PTPRA: variants seen among roughly 807,000 people sequenced by gnomAD.
PTPRA encodes the protein receptor-type tyrosine-protein phosphatase alpha.
PTPRA carries 25 observed loss-of-function variants against 104.8 expected under a neutral mutation model. The observed-to-expected ratio is 0.24, with a 90% CI of 0.17 to 0.33. The LOEUF is 0.33. Ranked by LOEUF, PTPRA falls within the 10% of genes least tolerant of loss-of-function variation. PTPRA has a pLI of 1.00. For missense variants in PTPRA, 765 were observed against 1,015.3 expected (o/e 0.75, Z 3.35); for synonymous variants, 323 against 368.9 (o/e 0.88, Z 1.43).
rs1338748386 is a variant in PTPRA at position 2,948,794 on chromosome 20, AG to A, written c.-7+771del. Among the ~76,000 whole-genome samples, 626 of 151,848 alleles carry A rather than the reference AG, an allele frequency of 4.1e-3. 9 individuals carry two copies. Among genetic ancestry groups the A allele is most frequent in the African/African-American group, 0.013 (553 of 41,488 alleles). The stretch of plus-strand genomic sequence containing the variant: ...GTGAAACCCTGTCTGTACTAAAAAT[AG>A]AAAAAAATTAGCTGGGCGTGGTGGC... On this transcript the variant is annotated intron_variant, in intron 3 of 23. Coordinates refer to ENST00000399903, the MANE Select transcript of PTPRA (RefSeq NM_001385305.1).
chr20:2,996,188 A>G (rs924579736), intron 9 of PTPRA, among the ~76,000 whole-genome samples: 2 of 152,264 alleles, frequency 1.3e-5, no homozygotes, highest in Non-Finnish European at 2.9e-5. Flanking sequence ...TTGGGAAGAC[A>G]CTGGAGGAGC....
At chr20:3,036,273 G>T (rs937675113) in intron 22 of PTPRA, among the ~76,000 whole-genome samples, 11 of 152,226 alleles carry the variant, frequency 7.2e-5, no homozygotes, top group Non-Finnish European at 1.6e-4. Context: ...AGCCTGGGTT[G>T]GTGTGACCAG....
chr20:2,865,621 T>C, the PTPRA span: 1 of 870,336 alleles, frequency 1.1e-6, no homozygotes, highest in Non-Finnish European at 1.7e-6. This position sits in a 1 kb window ranked among gnomAD's most constrained non-coding sequence, Gnocchi z 5.2. Context: ...AGTTAGCGAG[T>C]GCTTCCTGTA....
rs1001855088 is a variant in PTPRA at position 3,035,921 on chromosome 20, C to A, written c.2178C>A (p.His726Gln). The A allele has an allele frequency of 2.5e-6, 4 of 1,613,710 alleles. No individual in the cohort carries two copies. The East Asian group carries it at 8.9e-5, about 36-fold the overall frequency. Residue 726 changes from histidine to glutamine, a missense_variant, in exon 22 of 24, where the codon CAC (histidine) becomes CAA (glutamine). Physicochemically the swap from His to Gln is conservative, Grantham distance 24. This residue lies in a region of PTPRA where 72 missense variants were observed against 140.7 expected (regional missense o/e 0.51). Coordinates refer to ENST00000399903, the MANE Select transcript of PTPRA (RefSeq NM_001385305.1). This position sits in a 1 kb window ranked among gnomAD's most constrained non-coding sequence, Gnocchi z 5.8. ...AGCAGCAGCAGCAGTCAGGGAACCA[C>A]CCCATCACCGTGCACTGCAGGTATG... ...VQKQQQQSGN[H>Q]PITVHCSAGA... is the part of the protein sequence containing the mutation.
intron 11 of PTPRA, among the ~76,000 whole-genome samples, chr20:3,012,429 C>A (rs1367181327): frequency 6.6e-6 from 1 of 152,102 alleles, no homozygotes; most frequent in Non-Finnish European, 1.5e-5. Context: ...GTGATATATC[C>A]ATGTAGATGT....
chr20:3,032,342 T>C (rs1275387525), intron 20 of PTPRA, among the ~76,000 whole-genome samples: 2 of 152,202 alleles, frequency 1.3e-5, no homozygotes, highest in African/African-American at 4.8e-5. Flanking sequence ...TTCCCCTCTT[T>C]AACCACTACT....
chr20:3,022,852 T>C lies in PTPRA; in HGVS notation c.1464+28T>C. 6.2e-7 allele frequency: 1 copy of C among 1,613,756 alleles called. No individual in the cohort carries two copies. Among genetic ancestry groups the C allele is most frequent in the Non-Finnish European group, 8.5e-7 (1 of 1,179,886 alleles). The stretch of plus-strand genomic sequence containing the variant: ...GAGTGATCTGTGGGTCAGGTGAGGG[T>C]GGGGGGTTCCAGGACTAAAACATCT... On this transcript the variant is annotated intron_variant, in intron 16 of 23. Transcript: ENST00000399903. The surrounding 1 kb of genome is among the most constrained non-coding windows in gnomAD (Gnocchi z 4.6).
chr20:2,923,645 A>G (rs1211812494), intron 2 of PTPRA, among the ~76,000 whole-genome samples: 3 of 152,066 alleles, frequency 2.0e-5, no homozygotes, highest in Admixed American at 6.6e-5. Flanking sequence ...CCAAAAATAC[A>G]AAAATTAGCC....
intron 6 of PTPRA, among the ~76,000 whole-genome samples, chr20:2,985,741 A>C (rs1263376370): frequency 6.6e-6 from 1 of 152,218 alleles, no homozygotes; most frequent in South Asian, 2.1e-4. Context: ...GTTTTGTTAC[A>C]TGGTGGCTGA....
At chr20:2,984,915 G>T (rs1357052656) in intron 6 of PTPRA, among the ~76,000 whole-genome samples, 1 of 152,140 alleles carries the variant, frequency 6.6e-6, no homozygotes, top group Non-Finnish European at 1.5e-5. Flanking sequence ...CTGTATCACT[G>T]CTCCCCAACC....
At position 3,037,942 on chromosome 20, in the gene PTPRA, A is replaced by G; in HGVS notation, c.2335-117A>G. 1 of 901,386 alleles carries G rather than the reference A, an allele frequency of 1.1e-6. No individual in the cohort carries two copies. Among genetic ancestry groups the G allele is most frequent in the East Asian group, 2.5e-5 (1 of 40,474 alleles). The allele number at this position is 901,386 out of a possible 1,614,324, so 55.8% of individuals were successfully genotyped here. A position where few individuals can be genotyped will look rare whatever the true frequency, so the allele number is the denominator to read the frequency against. On this transcript the variant is annotated intron_variant, in intron 23 of 23. Coordinates refer to ENST00000399903, the MANE Select transcript of PTPRA (RefSeq NM_001385305.1). This position sits in a 1 kb window ranked among gnomAD's most constrained non-coding sequence, Gnocchi z 4.3. ...AGATCAGAGCTCAGGTGAAAGTTCA[A>G]AAACATTCAGTTCCTCTTGATTTTC...
chr20:2,918,060 C>A (rs1264512095), intron 1 of PTPRA, among the ~76,000 whole-genome samples: 1 of 140,174 alleles, frequency 7.1e-6, no homozygotes, highest in Non-Finnish European at 1.5e-5. Flanking sequence ...TGCACTCCAG[C>A]CTGGGCGATA....
chr20:2,980,166 C>T (rs544115311), intron 6 of PTPRA, among the ~76,000 whole-genome samples: 1 of 151,874 alleles, frequency 6.6e-6, no homozygotes, highest in Non-Finnish European at 1.5e-5. Context: ...CCTGCCTCGG[C>T]CTCCCAAAGT....
intron 1 of PTPRA, among the ~76,000 whole-genome samples, chr20:2,882,975 CTTTTTTTTTT>C (rs752857166): frequency 8.8e-6 from 1 of 113,688 alleles, no homozygotes. Context: ...AAATCCAACA[CTTTTTTTTTT>C]TTTTTTTTTT....
chr20:2,998,930 T>TA (rs2063513902), intron 9 of PTPRA, among the ~76,000 whole-genome samples: 3 of 148,380 alleles, frequency 2.0e-5, no homozygotes, highest in East Asian at 2.0e-4. Context: ...TATTTATAAT[T>TA]TATTATATAT....
At chr20:3,006,294 C>T (rs1002252878) in intron 10 of PTPRA, among the ~76,000 whole-genome samples, 12 of 152,034 alleles carry the variant, frequency 7.9e-5, no homozygotes, top group Middle Eastern at 3.2e-3. Context: ...TCAAGTAATC[C>T]TCCTGCCACA....
intron 2 of PTPRA, 105 bp downstream of exon 2, chr20:2,923,390 C>A: frequency 1.3e-6 from 1 of 756,092 alleles, no homozygotes; most frequent in Non-Finnish European, 1.8e-6. Flanking sequence ...CGTTTCTAAG[C>A]TGTAAGAGTA....
Position 3,015,888 on chromosome 20 carries a change from A to G in PTPRA, c.943+3A>G. 6.4e-7 allele frequency: 1 copy of G among 1,562,852 alleles called. No homozygotes were observed. The highest frequency in any genetic ancestry group is 8.8e-7 in the Non-Finnish European group (1 of 1,133,856). ...GAACAAATTCATTGCTGCACAAGGTAAAGTAATGACAACTTTTTTCTGTTA... is the reference window on the plus strand; with the variant it reads ...GAACAAATTCATTGCTGCACAAGGTGAAGTAATGACAACTTTTTTCTGTTA... On this transcript the variant is annotated splice_donor_region_variant and intron_variant, in intron 12 of 23. Coordinates refer to ENST00000399903, the MANE Select transcript of PTPRA (RefSeq NM_001385305.1).
chr20:2,882,100 A>G (rs118056770), intron 1 of PTPRA, among the ~76,000 whole-genome samples: 2,361 of 152,304 alleles, frequency 0.016, 125 homozygotes, highest in Admixed American at 0.09. Context: ...CTGATGTACT[A>G]CATGGAAAAT....
Sources: gnomAD v4.1 joint callset for allele counts (sites outside exome capture counted in the v4.1 genomes callset) on GRCh38, gnomAD v4.1.1 for gene constraint, gnomAD v4.1.1 regional missense constraint, Gnocchi (gnomAD v3.1) non-coding constraint, MANE v1.5 for transcripts, NCBI Gene and HGNC (gene_info 2026-07-23, HGNC 2026-07-21) for gene names.